DCAF8L2: variants seen among roughly 807,000 people sequenced by gnomAD.
DCAF8L2 encodes the protein DDB1 and CUL4 associated factor 8 like 2, also known as DDB1- and CUL4-associated factor 8-like protein 2.
For synonymous variants in DCAF8L2, 200 were observed against 190.9 expected, an observed-to-expected ratio of 1.05 and a Z score of -0.39; for missense variants, 430 against 490.7, an observed-to-expected ratio of 0.88 and a Z score of 1.17.
the DCAF8L2 span, among the ~76,000 whole-genome samples, chrX:27,473,496 G>T: frequency 9.2e-6 from 1 of 109,254 alleles, no homozygotes; most frequent in Non-Finnish European, 1.9e-5. Flanking sequence ...CTTTTCAATG[G>T]CAGGGTCAGA....
the DCAF8L2 span, among the ~76,000 whole-genome samples, chrX:27,488,695 C>T: frequency 4.5e-5 from 5 of 111,138 alleles, no homozygotes; most frequent in African/African-American, 1.6e-4. Context: ...CTCAGTCTGT[C>T]GCCCAAGCTG....
the DCAF8L2 span, among the ~76,000 whole-genome samples, chrX:27,579,106 A>G: frequency 8.9e-6 from 1 of 112,069 alleles, no homozygotes; most frequent in African/African-American, 3.2e-5. Flanking sequence ...ATATGTGTAC[A>G]TGTATGTTCA....
intron 1 of DCAF8L2, among the ~76,000 whole-genome samples, chrX:27,626,531 GTT>G (rs750708239): frequency 1.1e-3 from 128 of 111,831 alleles, no homozygotes; most frequent in Admixed American, 2.0e-3. Context: ...CACAAAGCTA[GTT>G]TTCTAGGCCA....
At position 27,678,393 on chromosome X, in the gene DCAF8L2, G is replaced by A. The variant is rs1244755875; in HGVS notation, c.-143+481G>A. On this transcript the variant is annotated intron_variant, in intron 3 of 4. Coordinates refer to ENST00000451261, the MANE Select transcript of DCAF8L2 (RefSeq NM_001353450.2). Reference sequence around the variant, plus strand: ...ATATAATTGTATACTAATGCTCACAGCAGCATTATTCACAGTAGCCAAAAG... The same window carrying A: ...ATATAATTGTATACTAATGCTCACAACAGCATTATTCACAGTAGCCAAAAG... 3.6e-5 allele frequency among the ~76,000 whole-genome samples: 4 copies of A among 111,435 alleles called. No homozygotes were observed. The East Asian group carries it at 1.1e-3, about 31-fold the overall frequency.
intron 3 of DCAF8L2, among the ~76,000 whole-genome samples, chrX:27,684,076 A>G (rs1930416235): frequency 8.9e-6 from 1 of 112,408 alleles, no homozygotes; most frequent in Non-Finnish European, 1.9e-5. Context: ...ACCTTTTTTC[A>G]TTGAATACCT....
At chrX:27,684,090 T>C (rs189387411) in intron 3 of DCAF8L2, among the ~76,000 whole-genome samples, 1 of 112,467 alleles carries the variant, frequency 8.9e-6, no homozygotes, top group Non-Finnish European at 1.9e-5. Context: ...AATACCTTTT[T>C]TCATTGAATA....
chrX:27,491,708 G>A, the DCAF8L2 span, among the ~76,000 whole-genome samples: 1 of 110,950 alleles, frequency 9.0e-6, no homozygotes, highest in Middle Eastern at 4.7e-3. Context: ...AACGTGGAAT[G>A]TTATTCCATG....
the DCAF8L2 span, among the ~76,000 whole-genome samples, chrX:27,517,124 A>G: frequency 8.9e-6 from 1 of 111,917 alleles, no homozygotes; most frequent in African/African-American, 3.3e-5. Context: ...CAAATATCCA[A>G]TTAGGTAATT....
intron 4 of DCAF8L2, among the ~76,000 whole-genome samples, chrX:27,718,355 G>A (rs1931772929): frequency 9.0e-6 from 1 of 111,702 alleles, no homozygotes; most frequent in Non-Finnish European, 1.9e-5. Flanking sequence ...TCAATATTTT[G>A]GTCGTTTTGT....
chrX:27,680,513 C>T (rs1365876167), intron 3 of DCAF8L2, among the ~76,000 whole-genome samples: 1 of 111,761 alleles, frequency 8.9e-6, no homozygotes. Flanking sequence ...ATCTTAAGTA[C>T]TGAAAATTGT....
At chrX:27,675,656 A>G (rs763756402) in intron 2 of DCAF8L2, among the ~76,000 whole-genome samples, 3 of 112,128 alleles carry the variant, frequency 2.7e-5, no homozygotes, top group Non-Finnish European at 3.8e-5. Flanking sequence ...TAAGAATAAG[A>G]ATGCTGTGTG....
chrX:27,536,657 A>AC, the DCAF8L2 span, among the ~76,000 whole-genome samples: 11 of 109,269 alleles, frequency 1.0e-4, no homozygotes, highest in Non-Finnish European at 2.1e-4. Flanking sequence ...GAAAAAAAAA[A>AC]CTCTCAGCAA....
rs890622769 is a variant in DCAF8L2 at position 27,611,457 on chromosome X, T to A, written c.-341-20422T>A. On this transcript the variant is annotated intron_variant, in intron 1 of 4. Transcript: ENST00000451261. Reference sequence around the variant, plus strand: ...TCTACCCATCTGACCCATATATATATATGTACTTTAAGTTCTGGGGTACAT... The same window carrying A: ...TCTACCCATCTGACCCATATATATAAATGTACTTTAAGTTCTGGGGTACAT... Among the ~76,000 whole-genome samples the A allele has an allele frequency of 1.1e-4, 12 of 109,523 alleles. No individual in the cohort carries two copies. In the South Asian group the frequency reaches 2.4e-3, roughly 22 times the overall value.
intron 4 of DCAF8L2, among the ~76,000 whole-genome samples, chrX:27,727,692 G>A (rs181641321): frequency 5.5e-4 from 61 of 111,030 alleles, no homozygotes; most frequent in Admixed American, 2.7e-3. Context: ...TATAAACACC[G>A]TGCTAAAATT....
the DCAF8L2 span, among the ~76,000 whole-genome samples, chrX:27,476,755 A>G: frequency 1.8e-5 from 2 of 112,091 alleles, no homozygotes; most frequent in Non-Finnish European, 3.8e-5. Context: ...TCAATGCCCA[A>G]TAAGAAAGAA....
chrX:27,629,199 G>A (rs1198844323), intron 1 of DCAF8L2, among the ~76,000 whole-genome samples: 2 of 111,201 alleles, frequency 1.8e-5, no homozygotes, highest in African/African-American at 6.5e-5. Context: ...CTGTGCAGAA[G>A]CTTTTTAGAT....
chrX:27,524,741 A>G, the DCAF8L2 span, among the ~76,000 whole-genome samples: 1 of 111,191 alleles, frequency 9.0e-6, no homozygotes. Flanking sequence ...CTTTGTTCTC[A>G]TTGGTTTCAG....
At chrX:27,569,736 A>G in the DCAF8L2 span, among the ~76,000 whole-genome samples, 1 of 112,075 alleles carries the variant, frequency 8.9e-6, no homozygotes, top group African/African-American at 3.2e-5. Flanking sequence ...ATGGGTATCA[A>G]CATGACACAA....
the DCAF8L2 span, among the ~76,000 whole-genome samples, chrX:27,474,046 T>A: frequency 9.0e-6 from 1 of 110,845 alleles, no homozygotes; most frequent in African/African-American, 3.3e-5. Context: ...TTTTAACACC[T>A]AAAGCCTCTG....
Sources: gnomAD v4.1 joint callset for allele counts (sites outside exome capture counted in the v4.1 genomes callset) on GRCh38, gnomAD v4.1.1 for gene constraint, MANE v1.5 for transcripts, NCBI Gene and HGNC (gene_info 2026-07-23, HGNC 2026-07-21) for gene names.